COL16A1: variants seen among roughly 807,000 people sequenced by gnomAD.
COL16A1 encodes the protein collagen type XVI alpha 1 chain, also known as collagen alpha-1(XVI) chain.
Under a neutral mutation model 266.3 loss-of-function variants are expected in COL16A1, and 189 were observed. The observed-to-expected ratio is 0.71, with a 90% CI of 0.63 to 0.80. COL16A1 has a LOEUF of 0.80. COL16A1 is among the 30% of genes least tolerant of loss of function. COL16A1 has a pLI of 0.00. For missense variants in COL16A1, 1,928 were observed against 2,122.4 expected (o/e 0.91, Z 1.80); for synonymous variants, 740 against 782.3 (o/e 0.95, Z 0.90).
intron 9 of COL16A1, 99 bp from the exon 10 acceptor site, chr1:31,695,886 C>A (rs568185581): frequency 1.7e-6 from 2 of 1,162,942 alleles, no homozygotes; most frequent in African/African-American, 3.0e-5. Flanking sequence ...AGTGGGCACT[C>A]TAGAGAGTGC....
chr1:31,658,606 G>T (rs1203313187), intron 63 of COL16A1, 29 bp from the exon 64 acceptor site: 1 of 1,570,082 alleles, frequency 6.4e-7, no homozygotes, highest in Admixed American at 1.9e-5. Context: ...GACAGTGAGA[G>T]GGGAGGAAAG....
rs200431447 is a variant in COL16A1 at position 31,689,722 on chromosome 1, G to A, written c.1620+19C>T. On this transcript the variant is annotated intron_variant, in intron 23 of 70. Transcript: ENST00000373672. ...TGTGTGTTGGGGGAGGTCCCTCAAT[G>A]GTCACCCTGGGCACTCACCCTGGCT... 6.2e-7 allele frequency: 1 copy of A among 1,600,150 alleles called. No homozygotes were observed. Among genetic ancestry groups the A allele is most frequent in the African/African-American group, 1.3e-5 (1 of 74,616 alleles).
Position 31,654,026 on chromosome 1 carries a change from T to A in COL16A1, c.4375A>T (p.Thr1459Ser). ...TCCATGGGGAACTGCATCCTGGAGGTGTAGTAAGCCATTCTCTCTGTAAAA... is the reference window on the plus strand; with the variant it reads ...TCCATGGGGAACTGCATCCTGGAGGAGTAGTAAGCCATTCTCTCTGTAAAA... ...KMFDERMAYYTSRMQFPMEMA... is the reference protein window; with the variant it reads ...KMFDERMAYYSSRMQFPMEMA... The change falls in exon 69 of 71, where the codon ACC becomes TCC. Residue 1459 changes from threonine to serine, a missense_variant. Transcript: ENST00000373672. 6.2e-7 allele frequency: 1 copy of A among 1,613,566 alleles called. No individual in the cohort carries two copies. The highest frequency in any genetic ancestry group is 2.2e-5 in the East Asian group (1 of 44,860).
At position 31,654,058 on chromosome 1, in the gene COL16A1, C is replaced by G. The variant is rs370547251; in HGVS notation, c.4358-15G>C. 1 of 1,610,576 alleles carries G rather than the reference C, an allele frequency of 6.2e-7. No homozygotes were observed. Among genetic ancestry groups the G allele is most frequent in the Non-Finnish European group, 8.5e-7 (1 of 1,177,748 alleles). On this transcript the variant is annotated splice_polypyrimidine_tract_variant and intron_variant, in intron 68 of 70. Transcript: ENST00000373672. ...AGCCATTCTCTCTGTAAAAAAAGGA[C>G]AAGGACAGGGACAGGTCAGAGGGTC...
In COL16A1 at chr1:31,671,426, G is replaced by A. The variant is rs886441276; in HGVS notation, c.3150+189C>T. ...CCGCAGGCAGTAGGCAGAGCAGGGC[G>A]GTTCCAGGGCATCCGGTGGTGGGAG... On this transcript the variant is annotated intron_variant, in intron 48 of 70. Transcript: ENST00000373672. 3.9e-5 allele frequency among the ~76,000 whole-genome samples: 6 copies of A among 152,282 alleles called. No homozygotes were observed. The East Asian group carries it at 5.8e-4, about 15-fold the overall frequency.
At position 31,689,620 on chromosome 1, in the gene COL16A1, A is replaced by T. The variant is rs187204022; in HGVS notation, c.1620+121T>A. ...CAGTAAGAGCCTAGACTCTCTGCCCATAATCTCTCTGTAGCCACGAGAAGT... is the reference window on the plus strand; with the variant it reads ...CAGTAAGAGCCTAGACTCTCTGCCCTTAATCTCTCTGTAGCCACGAGAAGT... On this transcript the variant is annotated intron_variant, in intron 23 of 70. Coordinates refer to ENST00000373672, the MANE Select transcript of COL16A1 (RefSeq NM_001856.4). The T allele has an allele frequency of 1.2e-3, 940 of 781,246 alleles. 2 individuals carry two copies. The highest frequency in any genetic ancestry group is 8.5e-4 in the Non-Finnish European group (386 of 452,602). 48.4% of individuals were successfully genotyped at this position (781,246 alleles called of 1,614,324 possible).
chr1:31,689,222 G>C lies in COL16A1; in HGVS notation c.1621-137C>G, dbSNP rs895004734. 93 of 1,389,480 alleles carry C rather than the reference G, an allele frequency of 6.7e-5. No homozygotes were observed. The Admixed American group carries it at 2.1e-3, about 31-fold the overall frequency. 86.1% of individuals were successfully genotyped at this position (1,389,480 alleles called of 1,614,324 possible). A position where few individuals can be genotyped will look rare whatever the true frequency, so the allele number is the denominator to read the frequency against. ...AGGGGTCCCATGGGGTCCAAGGCCA[G>C]CACCCCAGAGGCAGGGTTCATCAAC... On this transcript the variant is annotated intron_variant, in intron 23 of 70. Coordinates refer to ENST00000373672, the MANE Select transcript of COL16A1 (RefSeq NM_001856.4).
chr1:31,662,673 C>CGGGGGG lies in COL16A1; in HGVS notation c.3556-16_3556-15insCCCCCC. On this transcript the variant is annotated splice_polypyrimidine_tract_variant and intron_variant, in intron 56 of 70. Transcript: ENST00000373672. ...CCTTCGCTGCCCTGGAAACCAGCGC[C>CGGGGGG]GCCCCCCCCCCCCGCCCCACAATAA... is the stretch of plus-strand genomic sequence containing the variant. The CGGGGGG allele has an allele frequency of 8.5e-7, 1 of 1,174,522 alleles. No homozygotes were observed. Among genetic ancestry groups the CGGGGGG allele is most frequent in the Non-Finnish European group, 1.2e-6 (1 of 836,264 alleles). 72.8% of individuals were successfully genotyped at this position (1,174,522 alleles called of 1,614,324 possible).
At chr1:31,669,529 T>G (rs1642459300) in intron 49 of COL16A1, among the ~76,000 whole-genome samples, 1 of 151,606 alleles carries the variant, frequency 6.6e-6, no homozygotes, top group African/African-American at 2.4e-5. Context: ...CCTCATCCCC[T>G]CAAGAGATGA....
intron 61 of COL16A1, 44 bp downstream of exon 61, chr1:31,661,022 C>G: frequency 6.5e-7 from 1 of 1,543,624 alleles, no homozygotes; most frequent in Non-Finnish European, 8.8e-7. Flanking sequence ...TCTGCAGAGT[C>G]TGAAGGCAAA....
chr1:31,683,105 G>A (rs1425054800), intron 36 of COL16A1, 89 bp downstream of exon 36: 9 of 1,608,440 alleles, frequency 5.6e-6, no homozygotes, highest in Non-Finnish European at 7.7e-6. Flanking sequence ...CCCTCTGATA[G>A]GCATCACTTG....
Position 31,700,059 on chromosome 1 carries a change from GGCT to G in COL16A1, c.127_129del (p.Ser43del). Reference sequence around the variant, plus strand: ...TGCTCACCAGTCACGTTGGCTGGCAGGCTACTACTGTGTTCCAATTTGAGTCCT... The same window carrying G: ...TGCTCACCAGTCACGTTGGCTGGCAGACTACTGTGTTCCAATTTGAGTCCT... On this transcript the variant is annotated inframe_deletion, in exon 3 of 71. Coordinates refer to ENST00000373672, the MANE Select transcript of COL16A1 (RefSeq NM_001856.4). The G allele has an allele frequency of 6.2e-7, 1 of 1,614,188 alleles. No homozygotes were observed.
chr1:31,697,895 C>T lies in COL16A1; in HGVS notation c.657+11G>A. On this transcript the variant is annotated intron_variant, in intron 6 of 70. Coordinates refer to ENST00000373672, the MANE Select transcript of COL16A1 (RefSeq NM_001856.4). This position sits in a 1 kb window ranked among gnomAD's most constrained non-coding sequence, Gnocchi z 4.2. ...GCAGGAACAGAGGTCAGGGCCTGACCTAGCACTCACCGAGACAGGCTTGCC... is the reference window on the plus strand; with the variant it reads ...GCAGGAACAGAGGTCAGGGCCTGACTTAGCACTCACCGAGACAGGCTTGCC... 1.2e-6 allele frequency: 2 copies of T among 1,605,994 alleles called. No individual in the cohort carries two copies. Among genetic ancestry groups the T allele is most frequent in the South Asian group, 1.1e-5 (1 of 90,522 alleles).
In COL16A1 at chr1:31,658,490, G is replaced by A. The variant is rs776375012; in HGVS notation, c.4018C>T (p.Pro1340Ser). Residue 1340 changes from proline (P) to serine (S), a missense_variant and splice_region_variant, in exon 64 of 71, where the codon CCA becomes TCA. By Grantham distance (74) the Pro-to-Ser change is moderately conservative. This residue lies in a region of COL16A1 where 376 missense variants were observed against 485.2 expected (regional missense o/e 0.77). Transcript: ENST00000373672. ...QPGPPGHPGP[P>S]GEPGTDGAAG... ...TGCTGTAGAATGTGGGATCTTACTG[G>A]GGGGCCAGGGTGTCCAGGGGGGCCG... 5.6e-6 allele frequency: 9 copies of A among 1,598,860 alleles called. No individual in the cohort carries two copies. The highest frequency in any genetic ancestry group is 5.2e-5 in the Admixed American group (3 of 57,204).
rs141725136 is a variant in COL16A1, at chr1:31,694,957, C to T, written c.981+229G>A. ...CCATCCCGTGCCCATGCCCTGAACC[C>T]GAACACACTGCAGATGACAAGGCAG... On this transcript the variant is annotated intron_variant, in intron 11 of 70. Transcript: ENST00000373672. 1.1e-4 allele frequency among the ~76,000 whole-genome samples: 17 copies of T among 152,350 alleles called. No homozygotes were observed. The East Asian group carries it at 3.1e-3, about 28-fold the overall frequency.
chr1:31,653,603 G>C lies in COL16A1; in HGVS notation c.4608C>G (p.Pro1536=), dbSNP rs761498365. Residue 1536 remains proline, a synonymous_variant, in exon 70 of 71, where the codon CCC becomes CCG. Transcript: ENST00000373672. ...GIAGENGLPG[P]PGPQGPPGYG... ...TCAAATGGTGGTATTTCCTACCTGG[G>C]GGGCCGGGAAGACCATTTTCTCCTG... is the stretch of plus-strand genomic sequence containing the variant. The C allele has an allele frequency of 6.2e-6, 10 of 1,613,538 alleles. No individual in the cohort carries two copies. In the African/African-American group the frequency reaches 9.3e-5, roughly 15 times the overall value.
At position 31,670,422 on chromosome 1, in the gene COL16A1, A is replaced by G. The variant is rs566390148; in HGVS notation, c.3195+180T>C. The G allele has an allele frequency of 1.4e-4, 91 of 643,164 alleles. 2 individuals carry two copies. In the East Asian group the frequency reaches 3.1e-3, roughly 22 times the overall value. The allele number at this position is 643,164 out of a possible 1,614,324, so 39.8% of individuals were successfully genotyped here. A position where few individuals can be genotyped will look rare whatever the true frequency, so the allele number is the denominator to read the frequency against. On this transcript the variant is annotated intron_variant, in intron 49 of 70. Coordinates refer to ENST00000373672, the MANE Select transcript of COL16A1 (RefSeq NM_001856.4). This position sits in a 1 kb window ranked among gnomAD's most constrained non-coding sequence, Gnocchi z 4.5. Reference sequence around the variant, plus strand: ...AGGAGAAAACGGAAAGGAGTCAGAGACTGGGAGGATGTCCAAGCTGCCGGG... The same window carrying G: ...AGGAGAAAACGGAAAGGAGTCAGAGGCTGGGAGGATGTCCAAGCTGCCGGG...
intron 11 of COL16A1, among the ~76,000 whole-genome samples, 197 bp downstream of exon 11, chr1:31,694,989 G>A (rs556140772): frequency 6.6e-6 from 1 of 152,346 alleles, no homozygotes; most frequent in Non-Finnish European, 1.5e-5. Context: ...GCAGGTCACA[G>A]GCTTTCTTCC....
rs1168978850 is a variant in COL16A1 at position 31,701,031 on chromosome 1, A to G, written c.74-916T>C. 4.6e-5 allele frequency among the ~76,000 whole-genome samples: 7 copies of G among 152,314 alleles called. No individual in the cohort carries two copies. The East Asian group carries it at 1.4e-3, about 29-fold the overall frequency. ...AGGCCAGAATCAAAAAGGCCTTCTC[A>G]TCAATGCAGAGGGATAGGTGGGAGA... On this transcript the variant is annotated intron_variant, in intron 2 of 70. Transcript: ENST00000373672.
Sources: allele counts gnomAD v4.1 joint callset (sites outside exome capture counted in the v4.1 genomes callset), GRCh38; gene constraint gnomAD v4.1.1; regional missense constraint gnomAD v4.1.1; non-coding constraint Gnocchi (gnomAD v3.1); transcripts MANE v1.5; gene names NCBI Gene and HGNC (gene_info 2026-07-23, HGNC 2026-07-21).